CFAP61: variants seen among roughly 807,000 people sequenced by gnomAD.
CFAP61 encodes cilia- and flagella-associated protein 61.
CFAP61 carries 107 observed loss-of-function variants against 135.6 expected under a neutral mutation model. That is an observed-to-expected ratio of 0.79 (90% CI 0.67 to 0.93). CFAP61 has a LOEUF of 0.93. Among genes scored for constraint, CFAP61 ranks in the 40% least tolerant of loss-of-function variants. The pLI is 0.00. For synonymous variants in CFAP61, 575 were observed against 578.5 expected, an observed-to-expected ratio of 0.99 and a Z score of 0.09; for missense variants, 1,507 against 1,556.2, an observed-to-expected ratio of 0.97 and a Z score of 0.53.
chr20:20,356,348 T>C (rs1254817187), intron 26 of CFAP61, among the ~76,000 whole-genome samples: 90 of 17,170 alleles, frequency 5.2e-3, no homozygotes, highest in Admixed American at 8.5e-3. Context: ...GAGGTGGTCA[T>C]ACTGTGAGGG....
At chr20:20,093,434 C>CTT (rs11479548) in intron 7 of CFAP61, among the ~76,000 whole-genome samples, 14 of 121,934 alleles carry the variant, frequency 1.1e-4, no homozygotes, top group Non-Finnish European at 1.7e-4. Context: ...TTGTGTATTT[C>CTT]TTTTTTTTTT....
intron 25 of CFAP61, among the ~76,000 whole-genome samples, chr20:20,325,615 A>G (rs1377821983): frequency 6.6e-6 from 1 of 152,156 alleles, no homozygotes; most frequent in Non-Finnish European, 1.5e-5. Context: ...TTATCTGTTC[A>G]CCTACTAAAA....
intron 18 of CFAP61, among the ~76,000 whole-genome samples, chr20:20,238,041 T>A (rs534413265): frequency 9.8e-5 from 15 of 152,360 alleles, no homozygotes; most frequent in South Asian, 6.2e-4. Flanking sequence ...AAAATTTTTT[T>A]AAAATAAACA....
At chr20:20,356,354 G>C (rs985079423) in intron 26 of CFAP61, among the ~76,000 whole-genome samples, 1 of 149,956 alleles carries the variant, frequency 6.7e-6, no homozygotes, top group Non-Finnish European at 1.5e-5. Context: ...GTCATACTGT[G>C]AGGGGAAGTG....
chr20:20,235,996 C>G (rs1161334538), intron 18 of CFAP61, among the ~76,000 whole-genome samples: 1 of 151,976 alleles, frequency 6.6e-6, no homozygotes, highest in Non-Finnish European at 1.5e-5. Context: ...AACAGATAAT[C>G]CAACACTTAC....
chr20:20,085,523 G>T, intron 6 of CFAP61: 2 of 1,366,540 alleles, frequency 1.5e-6, no homozygotes, highest in Non-Finnish European at 2.0e-6. Flanking sequence ...TTTCCCAGAA[G>T]AATTCGTGTT....
In CFAP61 at chr20:20,098,692, C is replaced by T. The variant is rs752565927; in HGVS notation, c.737C>T (p.Ser246Leu). The T allele has an allele frequency of 3.1e-5, 50 of 1,612,052 alleles. No individual in the cohort carries two copies. Among genetic ancestry groups the T allele is most frequent in the Non-Finnish European group, 4.2e-5 (50 of 1,179,438 alleles). ...GCTGTTGGGTTCATGAGTGTGTGCTCAAGAGTGAACATGCAACTGCTGCAT... is the reference window on the plus strand; with the variant it reads ...GCTGTTGGGTTCATGAGTGTGTGCTTAAGAGTGAACATGCAACTGCTGCAT... ...GTAVGFMSVCSRVNMQLLHEC... is the reference protein window; with the variant it reads ...GTAVGFMSVCLRVNMQLLHEC... The change falls in exon 8 of 27, where the codon TCA (serine) becomes TTA (leucine). Residue 246 changes from serine to leucine, a missense_variant. Coordinates refer to ENST00000245957, the MANE Select transcript of CFAP61 (RefSeq NM_015585.4).
At chr20:20,290,684 C>G (rs537348726) in intron 24 of CFAP61, among the ~76,000 whole-genome samples, 62 of 152,326 alleles carry the variant, frequency 4.1e-4, no homozygotes, top group Non-Finnish European at 7.3e-4. Context: ...CGACAGCTTC[C>G]AGCTTGCACA....
At chr20:20,357,217 A>T (rs1180543986) in intron 26 of CFAP61, among the ~76,000 whole-genome samples, 1 of 56,436 alleles carries the variant, frequency 1.8e-5, no homozygotes, top group Non-Finnish European at 3.8e-5. Flanking sequence ...AGTCACACTG[A>T]GGGGAGGGGG....
At chr20:20,126,153 C>A (rs1440201134) in intron 8 of CFAP61, among the ~76,000 whole-genome samples, 1 of 151,738 alleles carries the variant, frequency 6.6e-6, no homozygotes, top group Non-Finnish European at 1.5e-5. Flanking sequence ...GAGTTCTTAT[C>A]AATTCTCCAG....
At chr20:20,191,800 G>A (rs1246641409) in intron 15 of CFAP61, among the ~76,000 whole-genome samples, 1 of 151,990 alleles carries the variant, frequency 6.6e-6, no homozygotes, top group African/African-American at 2.4e-5. Flanking sequence ...GTGTGTGTGT[G>A]TGTCAAATGG....
At chr20:20,084,712 G>A (rs2046674261) in intron 6 of CFAP61, among the ~76,000 whole-genome samples, 1 of 152,210 alleles carries the variant, frequency 6.6e-6, no homozygotes, top group African/African-American at 2.4e-5. Context: ...TAACCGACTG[G>A]TGGAAGTGCT....
chr20:20,166,434 T>C lies in CFAP61; in HGVS notation c.1243T>C (p.Ser415Pro), dbSNP rs753720891. Residue 415 changes from serine to proline, a missense_variant and splice_region_variant, in exon 12 of 27, where the codon TCT (serine) becomes CCT (proline). By Grantham distance (74) the Ser-to-Pro change is moderately conservative. Transcript: ENST00000245957. ...DFMNFVFSLF[S>P]DKNFCVISLP... The stretch of plus-strand genomic sequence containing the variant: ...TATGAATTTTGTTTTCAGTCTTTTT[T>C]CTGTAAGTACATGCTGAATTTTGAG... 2.4e-5 allele frequency: 38 copies of C among 1,612,574 alleles called. No individual in the cohort carries two copies. The highest frequency in any genetic ancestry group is 6.7e-5 in the Admixed American group (4 of 59,990).
At chr20:20,158,180 A>T (rs1314859172) in intron 9 of CFAP61, among the ~76,000 whole-genome samples, 1 of 151,958 alleles carries the variant, frequency 6.6e-6, no homozygotes, top group African/African-American at 2.4e-5. Context: ...ACCATGGCAC[A>T]TGTATACATA....
intron 6 of CFAP61, among the ~76,000 whole-genome samples, chr20:20,081,311 G>A (rs1007083330): frequency 1.3e-5 from 2 of 152,142 alleles, no homozygotes; most frequent in East Asian, 1.9e-4. Context: ...CAGGATACCC[G>A]ATTTGTATCT....
At chr20:20,276,073 A>AGCT (rs1168634261) in intron 21 of CFAP61, among the ~76,000 whole-genome samples, 2 of 152,256 alleles carry the variant, frequency 1.3e-5, no homozygotes, top group African/African-American at 4.8e-5. Context: ...AGATGCTGTT[A>AGCT]GCTTCCAAGA....
At chr20:20,308,296 C>A (rs1405865175) in intron 25 of CFAP61, among the ~76,000 whole-genome samples, 1 of 152,170 alleles carries the variant, frequency 6.6e-6, no homozygotes, top group East Asian at 1.9e-4. Flanking sequence ...GACATTCTGA[C>A]CTGCCGATGT....
intron 8 of CFAP61, among the ~76,000 whole-genome samples, chr20:20,120,235 T>C (rs2049506252): frequency 6.6e-6 from 1 of 152,240 alleles, no homozygotes; most frequent in Non-Finnish European, 1.5e-5. Context: ...AAGTTGTTTA[T>C]TTGAAGACTT....
intron 17 of CFAP61, chr20:20,226,317 C>T (rs1336245338): frequency 6.6e-6 from 1 of 152,206 alleles, no homozygotes; most frequent in Admixed American, 6.5e-5. Flanking sequence ...GAAGAACATG[C>T]TCTGGCTCTC....
Sources: gnomAD v4.1 joint callset for allele counts (sites outside exome capture counted in the v4.1 genomes callset) on GRCh38, gnomAD v4.1.1 for gene constraint, MANE v1.5 for transcripts, NCBI Gene and HGNC (gene_info 2026-07-23, HGNC 2026-07-21) for gene names.